The following MAPKAP1 variants were observed in gnomAD, a reference collection of about 807,000 sequenced individuals.
MAPKAP1 encodes the protein target of rapamycin complex 2 subunit MAPKAP1.
A neutral mutation model predicts 65.7 loss-of-function variants in MAPKAP1; 20 were observed. That is an observed-to-expected ratio of 0.30 (90% confidence interval 0.21 to 0.44). The LOEUF (loss-of-function observed/expected upper bound fraction) is 0.44, where lower values mean the gene tolerates loss of function less well. Ranked by LOEUF, MAPKAP1 falls within the 20% of genes least tolerant of loss-of-function variation. The pLI is 1.00. For synonymous variants in MAPKAP1, 222 were observed against 244.3 expected, an observed-to-expected ratio of 0.91 and a Z score of 0.85; for missense variants, 423 against 648.0, an observed-to-expected ratio of 0.65 and a Z score of 3.77.
intron 1 of MAPKAP1, among the ~76,000 whole-genome samples, chr9:125,680,215 C>T (rs1329128760): frequency 6.6e-6 from 1 of 151,834 alleles, no homozygotes; most frequent in Non-Finnish European, 1.5e-5. Flanking sequence ...ATTTATTTTC[C>T]ACAACAAGGA....
intron 7 of MAPKAP1, among the ~76,000 whole-genome samples, chr9:125,541,642 C>T (rs914710383): frequency 2.6e-5 from 4 of 152,100 alleles, no homozygotes; most frequent in African/African-American, 9.7e-5. Flanking sequence ...CTTCAATCAT[C>T]CCCTAAATGC....
At chr9:125,611,881 G>T (rs939359557) in intron 4 of MAPKAP1, among the ~76,000 whole-genome samples, 4 of 152,138 alleles carry the variant, frequency 2.6e-5, no homozygotes, top group South Asian at 2.1e-4. Flanking sequence ...GCGTATTTCT[G>T]TCTAACTGAT....
At chr9:125,696,952 C>T (rs1003530503) in intron 1 of MAPKAP1, among the ~76,000 whole-genome samples, 11 of 152,172 alleles carry the variant, frequency 7.2e-5, no homozygotes, top group African/African-American at 2.7e-4. Flanking sequence ...CTACCAAAGG[C>T]CAACCTCAAC....
chr9:125,519,114 C>T (rs1210049901), intron 7 of MAPKAP1, among the ~76,000 whole-genome samples: 1 of 152,206 alleles, frequency 6.6e-6, no homozygotes, highest in African/African-American at 2.4e-5. Flanking sequence ...CTCCTTGAGT[C>T]TCCTCTCACA....
At chr9:125,575,954 C>A (rs1331971101) in intron 5 of MAPKAP1, among the ~76,000 whole-genome samples, 1 of 152,178 alleles carries the variant, frequency 6.6e-6, no homozygotes, top group Non-Finnish European at 1.5e-5. Context: ...AGATATCTTT[C>A]AATAGATGAA....
At chr9:125,483,581 T>A (rs932139619) in intron 9 of MAPKAP1, among the ~76,000 whole-genome samples, 5 of 152,156 alleles carry the variant, frequency 3.3e-5, no homozygotes, top group African/African-American at 1.2e-4. Flanking sequence ...CCTGACTGGG[T>A]GAGCCTGGCA....
At chr9:125,525,708 A>AAC (rs1829744675) in intron 7 of MAPKAP1, among the ~76,000 whole-genome samples, 1 of 113,648 alleles carries the variant, frequency 8.8e-6, no homozygotes. Flanking sequence ...AAAACAAACA[A>AAC]AAAAAAAAAA....
At chr9:125,648,805 G>C (rs1173955744) in intron 4 of MAPKAP1, among the ~76,000 whole-genome samples, 5 of 152,106 alleles carry the variant, frequency 3.3e-5, no homozygotes, top group Admixed American at 2.0e-4. Context: ...GCTGGGCGTG[G>C]TGGCACGCAC....
intron 4 of MAPKAP1, among the ~76,000 whole-genome samples, chr9:125,596,813 G>A (rs887897458): frequency 6.6e-6 from 1 of 152,108 alleles, no homozygotes; most frequent in Non-Finnish European, 1.5e-5. Context: ...CTGTATTTGT[G>A]ACTAATTGTA....
intron 7 of MAPKAP1, among the ~76,000 whole-genome samples, chr9:125,510,531 C>T (rs1158333999): frequency 6.6e-6 from 1 of 152,174 alleles, no homozygotes; most frequent in Non-Finnish European, 1.5e-5. Flanking sequence ...AAGGCCCATC[C>T]ATCTTTCCTT....
chr9:125,665,466 T>C (rs1314307194), intron 3 of MAPKAP1, among the ~76,000 whole-genome samples: 6 of 145,446 alleles, frequency 4.1e-5, no homozygotes, highest in African/African-American at 1.5e-4. Flanking sequence ...CTTGAGAATG[T>C]ACTTTGTGAG....
intron 4 of MAPKAP1, among the ~76,000 whole-genome samples, chr9:125,643,988 T>G (rs887309342): frequency 1.3e-5 from 2 of 152,170 alleles, no homozygotes; most frequent in African/African-American, 2.4e-5. Context: ...ACTGGATAGG[T>G]AGCCAGGAAA....
At chr9:125,556,828 C>T (rs1333170226) in intron 6 of MAPKAP1, among the ~76,000 whole-genome samples, 3 of 152,122 alleles carry the variant, frequency 2.0e-5, no homozygotes, top group African/African-American at 7.2e-5. Flanking sequence ...ACCAGAAAGG[C>T]GAGTAAGAGG....
chr9:125,484,055 G>A (rs1384954868), intron 9 of MAPKAP1, among the ~76,000 whole-genome samples: 3 of 152,172 alleles, frequency 2.0e-5, no homozygotes, highest in African/African-American at 4.8e-5. Context: ...ACATTAAAAA[G>A]CTTCCTGAAT....
chr9:125,699,222 T>G (rs1042477888), intron 1 of MAPKAP1, among the ~76,000 whole-genome samples: 12 of 152,150 alleles, frequency 7.9e-5, no homozygotes, highest in African/African-American at 2.2e-4. Flanking sequence ...TTTTTTTTCT[T>G]TTTTGAGGCA....
chr9:125,514,500 C>T (rs751344684), intron 7 of MAPKAP1, among the ~76,000 whole-genome samples: 1 of 152,138 alleles, frequency 6.6e-6, no homozygotes, highest in African/African-American at 2.4e-5. Flanking sequence ...TGGGTTCTGA[C>T]ATTTACTTGT....
intron 5 of MAPKAP1, among the ~76,000 whole-genome samples, chr9:125,581,794 T>G (rs911412856): frequency 6.6e-6 from 1 of 152,198 alleles, no homozygotes; most frequent in African/African-American, 2.4e-5. Context: ...ATGATTTAGG[T>G]TGATTTTTTC....
At chr9:125,467,627 A>C (rs529565719) in intron 10 of MAPKAP1, among the ~76,000 whole-genome samples, 7 of 152,122 alleles carry the variant, frequency 4.6e-5, no homozygotes, top group Admixed American at 1.3e-4. Flanking sequence ...AAGTCCCCCA[A>C]ATGGGAAGGG....
At chr9:125,593,048 G>C (rs182332787) in intron 4 of MAPKAP1, among the ~76,000 whole-genome samples, 86 of 150,954 alleles carry the variant, frequency 5.7e-4, no homozygotes, top group African/African-American at 1.7e-3. Flanking sequence ...TACAATCCCA[G>C]CACTTTGGGA....
Sources: gnomAD v4.1 joint callset for allele counts (sites outside exome capture counted in the v4.1 genomes callset) on GRCh38, gnomAD v4.1.1 for gene constraint, MANE v1.5 for transcripts, NCBI Gene and HGNC (gene_info 2026-07-23, HGNC 2026-07-21) for gene names.